PKP1: variants seen among roughly 807,000 people sequenced by gnomAD.
PKP1 encodes the protein plakophilin 1, also known as plakophilin-1.
A neutral mutation model predicts 76.4 loss-of-function variants in PKP1; 27 were observed. That is an observed-to-expected ratio of 0.35 (90% CI 0.26 to 0.49). The LOEUF (loss-of-function observed/expected upper bound fraction) is 0.49, where lower values mean the gene tolerates loss of function less well. Ranked by LOEUF, PKP1 falls within the 20% of genes least tolerant of loss-of-function variation. The pLI is 0.99. For missense variants in PKP1, 964 were observed against 955.2 expected (o/e 1.01, Z -0.12); for synonymous variants, 404 against 384.2 (o/e 1.05, Z -0.60).
intron 2 of PKP1, among the ~76,000 whole-genome samples, chr1:201,308,444 C>T (rs1337444462): frequency 2.0e-5 from 3 of 152,220 alleles, no homozygotes; most frequent in Admixed American, 6.5e-5. Context: ...CAGAAACCTA[C>T]ATTAGCAACT....
chr1:201,325,640 C>T, intron 11 of PKP1, 114 bp from the exon 12 acceptor site: 3 of 815,598 alleles, frequency 3.7e-6, no homozygotes, highest in Non-Finnish European at 6.4e-6. Context: ...CCTGAGGCCT[C>T]CTCTGAGGCC....
chr1:201,323,770 A>G (rs1263911639), intron 9 of PKP1, among the ~76,000 whole-genome samples: 1 of 152,154 alleles, frequency 6.6e-6, no homozygotes, highest in Non-Finnish European at 1.5e-5. Context: ...GCACTAGAGT[A>G]GACCGAGGGC....
At position 201,304,856 on chromosome 1, in the gene PKP1, A is replaced by G. The variant is rs567743648; in HGVS notation, c.307-8310A>G. On this transcript the variant is annotated intron_variant, in intron 2 of 13. Coordinates refer to ENST00000367324, the MANE Select transcript of PKP1 (RefSeq NM_001005337.3). The stretch of plus-strand genomic sequence containing the variant: ...CCCCATCTTAGCTGCGTGGCCTTGG[A>G]CCAGCCTAAAGTTCTCTGAGCTTAA... Among the ~76,000 whole-genome samples, 3 of 152,334 alleles carry G rather than the reference A, an allele frequency of 2.0e-5. No homozygotes were observed. The South Asian group carries it at 6.2e-4, about 32-fold the overall frequency.
intron 2 of PKP1, among the ~76,000 whole-genome samples, chr1:201,294,973 A>G (rs912128723): frequency 1.4e-4 from 22 of 152,236 alleles, no homozygotes; most frequent in African/African-American, 5.1e-4. Flanking sequence ...TATGACTTTC[A>G]TTTACTTTCG....
In PKP1 at chr1:201,313,624, G is replaced by C. The variant is rs531308880; in HGVS notation, c.701+64G>C. ...CAGTGGGGAGACACACCCTTAGCCT[G>C]ACTGCACCCTGCAAAGGGCTCCTGG... On this transcript the variant is annotated intron_variant, in intron 3 of 13. Transcript: ENST00000367324. 149 of 1,528,942 alleles carry C rather than the reference G, an allele frequency of 9.7e-5. 1 individual carries two copies. The South Asian group carries it at 1.6e-3, about 17-fold the overall frequency. The allele number at this position is 1,528,942 out of a possible 1,614,324, so 94.7% of individuals were successfully genotyped here.
At chr1:201,311,074 G>T (rs1028165050) in intron 2 of PKP1, among the ~76,000 whole-genome samples, 1 of 152,228 alleles carries the variant, frequency 6.6e-6, no homozygotes, top group Admixed American at 6.5e-5. Context: ...CAGGCGTGTC[G>T]TTTATGGAGA....
At chr1:201,328,907 A>C in intron 13 of PKP1, 39 bp downstream of exon 13, 3 of 1,221,028 alleles carry the variant, frequency 2.5e-6, no homozygotes, top group Non-Finnish European at 3.7e-6. Context: ...CTCTGGGACC[A>C]CTGCAACAGC....
At chr1:201,325,721 C>G in intron 11 of PKP1, 33 bp from the exon 12 acceptor site, 1 of 1,542,500 alleles carries the variant, frequency 6.5e-7, no homozygotes, top group Non-Finnish European at 9.0e-7. Context: ...CTCCTGGAAT[C>G]TCATCTCACA....
At chr1:201,293,516 T>C (rs1311048555) in intron 1 of PKP1, among the ~76,000 whole-genome samples, 1 of 152,200 alleles carries the variant, frequency 6.6e-6, no homozygotes, top group Non-Finnish European at 1.5e-5. Flanking sequence ...TAATCAGCTG[T>C]TGCTGCTGGA....
At chr1:201,318,288 A>G (rs1656828531) in intron 5 of PKP1, among the ~76,000 whole-genome samples, 2 of 152,240 alleles carry the variant, frequency 1.3e-5, no homozygotes. Flanking sequence ...CAGATGGAAA[A>G]GAGACAGCGT....
chr1:201,321,080 G>A (rs1308143904), intron 7 of PKP1, among the ~76,000 whole-genome samples: 3 of 152,140 alleles, frequency 2.0e-5, no homozygotes, highest in South Asian at 4.1e-4. Context: ...GCTCCAGATC[G>A]CCAGGGAACG....
intron 2 of PKP1, among the ~76,000 whole-genome samples, chr1:201,298,157 G>A (rs1263259189): frequency 6.6e-6 from 1 of 152,166 alleles, no homozygotes; most frequent in Non-Finnish European, 1.5e-5. Context: ...AGCATTTCTG[G>A]TGAGAAAAGG....
At chr1:201,312,560 G>T (rs892284107) in intron 2 of PKP1, among the ~76,000 whole-genome samples, 1 of 152,220 alleles carries the variant, frequency 6.6e-6, no homozygotes, top group Non-Finnish European at 1.5e-5. Context: ...GCGAAGGATT[G>T]TTCTGCCTCA....
At chr1:201,310,025 A>T (rs1322859912) in intron 2 of PKP1, among the ~76,000 whole-genome samples, 2 of 152,168 alleles carry the variant, frequency 1.3e-5, no homozygotes, top group African/African-American at 2.4e-5. Flanking sequence ...TGAGACTAGC[A>T]CGGGGCTCTG....
intron 1 of PKP1, among the ~76,000 whole-genome samples, chr1:201,292,406 AGGGCAAGCT>A (rs1163039974): frequency 6.6e-6 from 1 of 152,158 alleles, no homozygotes; most frequent in South Asian, 2.1e-4. Context: ...CTAGGCCCCC[AGGGCAAGCT>A]GTGTCTGCCA....
chr1:201,322,542 G>A (rs952748464), intron 8 of PKP1, among the ~76,000 whole-genome samples: 2 of 152,196 alleles, frequency 1.3e-5, no homozygotes, highest in Admixed American at 6.5e-5. Flanking sequence ...TTCCCCAGAA[G>A]CAGAAGCCTA....
chr1:201,293,219 G>A (rs899417590), intron 1 of PKP1, among the ~76,000 whole-genome samples: 3 of 152,100 alleles, frequency 2.0e-5, no homozygotes, highest in Admixed American at 2.0e-4. Flanking sequence ...GGGAGATGAG[G>A]GGGGTGGCCC....
At chr1:201,305,585 T>A (rs952412706) in intron 2 of PKP1, among the ~76,000 whole-genome samples, 9 of 152,212 alleles carry the variant, frequency 5.9e-5, no homozygotes, top group African/African-American at 2.2e-4. Flanking sequence ...GGACCTCTTT[T>A]CTGGGCCAGG....
intron 3 of PKP1, 141 bp from the exon 4 acceptor site, chr1:201,316,412 A>G (rs1179846351): frequency 1.0e-5 from 8 of 788,604 alleles, no homozygotes; most frequent in East Asian, 8.1e-5. Flanking sequence ...GTATTCTCCA[A>G]GTGGGCCTGG....
Sources: gnomAD v4.1 joint callset for allele counts (sites outside exome capture counted in the v4.1 genomes callset) on GRCh38, gnomAD v4.1.1 for gene constraint, MANE v1.5 for transcripts, NCBI Gene and HGNC (gene_info 2026-07-23, HGNC 2026-07-21) for gene names.